The following SPART variants were observed in gnomAD, a reference collection of about 807,000 sequenced individuals.
SPART encodes the protein spartin, also known as spastic paraplegia 20 (Troyer syndrome).
A neutral mutation model predicts 58.7 loss-of-function variants in SPART; 35 were observed. The observed-to-expected ratio is 0.60, with a 90% CI of 0.46 to 0.79. The LOEUF (loss-of-function observed/expected upper bound fraction) is 0.79. Among genes scored for constraint, SPART ranks in the 30% least tolerant of loss-of-function variants. The probability of loss-of-function intolerance (pLI) is 0.00; values close to 1 mark genes in which losing one functional copy is unlikely to be tolerated. For synonymous variants in SPART, 284 were observed against 280.7 expected, an observed-to-expected ratio of 1.01 and a Z score of -0.12; for missense variants, 730 against 786.1, an observed-to-expected ratio of 0.93 and a Z score of 0.85.
At chr13:36,316,728 A>G (rs2137360766) in intron 5 of SPART, among the ~76,000 whole-genome samples, 1 of 152,288 alleles carries the variant, frequency 6.6e-6, no homozygotes, top group Non-Finnish European at 1.5e-5. Flanking sequence ...CTTGTTGCTC[A>G]CACAAAGCCT....
intron 5 of SPART, among the ~76,000 whole-genome samples, chr13:36,321,444 CT>C (rs1882378469): frequency 6.6e-6 from 1 of 152,138 alleles, no homozygotes; most frequent in African/African-American, 2.4e-5. Context: ...TGTTTTTCTC[CT>C]TCTGTTATTC....
intron 5 of SPART, among the ~76,000 whole-genome samples, chr13:36,324,391 G>T (rs1200314001): frequency 1.3e-5 from 2 of 152,126 alleles, no homozygotes; most frequent in Admixed American, 6.5e-5. Context: ...GCCATGTGTA[G>T]GCACTCTATT....
chr13:36,334,324 T>C (rs74645089), intron 2 of SPART, among the ~76,000 whole-genome samples: 1 of 152,138 alleles, frequency 6.6e-6, no homozygotes, highest in East Asian at 1.9e-4. Flanking sequence ...ACCAAGTGCA[T>C]TCTGGTAAAT....
chr13:36,326,480 A>AT, intron 5 of SPART, 95 bp downstream of exon 5: 1 of 1,493,878 alleles, frequency 6.7e-7, no homozygotes, highest in Non-Finnish European at 9.2e-7. Flanking sequence ...AATACAAAAT[A>AT]TTATCTTTCT....
At chr13:36,365,619 T>C in intron 1 of SPART, 3 of 469,180 alleles carry the variant, frequency 6.4e-6, no homozygotes, top group African/African-American at 2.0e-5. Flanking sequence ...GTTGAAATAT[T>C]TATCCAACTT....
At chr13:36,317,198 T>C (rs931483082) in intron 5 of SPART, among the ~76,000 whole-genome samples, 2 of 152,190 alleles carry the variant, frequency 1.3e-5, no homozygotes, top group East Asian at 1.9e-4. Flanking sequence ...CAGGGATGCC[T>C]GCCTTGGTCC....
intron 3 of SPART, among the ~76,000 whole-genome samples, chr13:36,330,512 C>T (rs61950271): frequency 6.6e-6 from 1 of 152,012 alleles, no homozygotes; most frequent in African/African-American, 2.4e-5. Flanking sequence ...TCACTTAACA[C>T]AGTAACTGGT....
intron 4 of SPART, among the ~76,000 whole-genome samples, chr13:36,328,881 T>C (rs536939244): frequency 1.3e-4 from 20 of 152,116 alleles, no homozygotes; most frequent in African/African-American, 4.6e-4. Context: ...TTAGTGAATA[T>C]AGGAAGGCAG....
chr13:36,332,609 T>G (rs1883563253), intron 2 of SPART, among the ~76,000 whole-genome samples: 1 of 152,200 alleles, frequency 6.6e-6, no homozygotes, highest in Admixed American at 6.5e-5. Context: ...ATAGATTAAG[T>G]TAATGTTTAT....
intron 1 of SPART, among the ~76,000 whole-genome samples, chr13:36,342,559 C>T (rs1306752309): frequency 1.3e-5 from 2 of 152,076 alleles, no homozygotes. Context: ...TTGGATAATG[C>T]TTTGTTAGCA....
chr13:36,328,473 G>A (rs953595679), intron 4 of SPART, among the ~76,000 whole-genome samples: 1 of 152,030 alleles, frequency 6.6e-6, no homozygotes, highest in Non-Finnish European at 1.5e-5. Flanking sequence ...CTGTAGGAGG[G>A]GGCTCCTCAC....
chr13:36,337,731 A>G (rs1247037431), intron 1 of SPART, among the ~76,000 whole-genome samples: 2 of 152,152 alleles, frequency 1.3e-5, no homozygotes, highest in African/African-American at 4.8e-5. Flanking sequence ...TATCAGATCA[A>G]CTGTTCCGAT....
intron 1 of SPART, among the ~76,000 whole-genome samples, chr13:36,354,981 C>T (rs1216860166): frequency 1.3e-5 from 2 of 152,138 alleles, no homozygotes; most frequent in Admixed American, 6.5e-5. Flanking sequence ...ATGTTTACAA[C>T]AAAAATCTTG....
intron 5 of SPART, among the ~76,000 whole-genome samples, chr13:36,319,436 C>A (rs1882123374): frequency 6.6e-6 from 1 of 151,002 alleles, no homozygotes; most frequent in Non-Finnish European, 1.5e-5. Context: ...CGCCAATATC[C>A]CATCCCGCAG....
At chr13:36,363,480 T>C (rs1463079687) in intron 1 of SPART, among the ~76,000 whole-genome samples, 1 of 152,064 alleles carries the variant, frequency 6.6e-6, no homozygotes, top group Non-Finnish European at 1.5e-5. Flanking sequence ...AATTTTCCCA[T>C]CTACTCTTCT....
rs34599910 is a variant in SPART, at chr13:36,352,786, C to CAAAAAAAA, written c.-2-16962_-2-16955dup. Among the ~76,000 whole-genome samples the CAAAAAAAA allele has an allele frequency of 2.3e-3, 260 of 113,342 alleles. 1 individual carries two copies. The highest frequency in any genetic ancestry group is 8.7e-3 in the African/African-American group (247 of 28,364). The allele number at this position is 113,342 out of a possible 152,430, so 74.4% of individuals were successfully genotyped here. The stretch of plus-strand genomic sequence containing the variant: ...GGGCAACACAGGGAGATCCCGTTTC[C>CAAAAAAAA]AAAAAAAAAAAAAAAAATTGAAAAT... On this transcript the variant is annotated intron_variant, in intron 1 of 8. Transcript: ENST00000355182.
At chr13:36,347,201 A>T (rs892527681), upstream of SPART, among the ~76,000 whole-genome samples, 1 of 151,966 alleles carries the variant, frequency 6.6e-6, no homozygotes, top group Non-Finnish European at 1.5e-5. Flanking sequence ...AGCATTTAGA[A>T]CCAGTTTTGT....
At chr13:36,348,859 C>T (rs911789194), upstream of SPART, among the ~76,000 whole-genome samples, 6 of 152,154 alleles carry the variant, frequency 3.9e-5, no homozygotes, top group African/African-American at 1.2e-4. Flanking sequence ...AAAATTCATA[C>T]AATCCAGGGA....
At chr13:36,325,186 A>G (rs1882807928) in intron 5 of SPART, among the ~76,000 whole-genome samples, 1 of 152,178 alleles carries the variant, frequency 6.6e-6, no homozygotes, top group Non-Finnish European at 1.5e-5. Flanking sequence ...TGTTGGGGTA[A>G]CAAGCAAGTT....
Sources: gnomAD v4.1 joint callset for allele counts (sites outside exome capture counted in the v4.1 genomes callset) on GRCh38, gnomAD v4.1.1 for gene constraint, MANE v1.5 for transcripts, NCBI Gene and HGNC (gene_info 2026-07-23, HGNC 2026-07-21) for gene names.